TAFA1: variants seen among roughly 807,000 people sequenced by gnomAD.
The protein encoded by TAFA1 is TAFA chemokine like family member 1, also known as chemokine-like protein TAFA-1.
A neutral mutation model predicts 18.5 loss-of-function variants in TAFA1; 4 were observed. That is an observed-to-expected ratio of 0.22 (90% CI 0.11 to 0.49). TAFA1 has a LOEUF of 0.49. Among genes scored for constraint, TAFA1 ranks in the 20% least tolerant of loss-of-function variants. The pLI is 0.98. For missense variants in TAFA1, 147 were observed against 169.0 expected, an observed-to-expected ratio of 0.87 and a Z score of 0.72; for synonymous variants, 56 against 55.2, an observed-to-expected ratio of 1.01 and a Z score of -0.06.
chr3:68,200,620 G>A (rs1044011229), intron 2 of TAFA1, among the ~76,000 whole-genome samples: 1 of 151,562 alleles, frequency 6.6e-6, no homozygotes, highest in South Asian at 2.1e-4. Flanking sequence ...TGAGCATTGA[G>A]TTGTACACAA....
intron 2 of TAFA1, among the ~76,000 whole-genome samples, chr3:68,135,858 C>G (rs1381656862): frequency 1.3e-5 from 2 of 152,048 alleles, no homozygotes; most frequent in Non-Finnish European, 1.5e-5. Flanking sequence ...GTATGTTTCA[C>G]ACATATTTGG....
intron 2 of TAFA1, among the ~76,000 whole-genome samples, chr3:68,205,399 G>T (rs2066514343): frequency 6.6e-6 from 1 of 151,798 alleles, no homozygotes; most frequent in South Asian, 2.1e-4. Flanking sequence ...ACTACGAGGG[G>T]ATATGAGGAA....
intron 2 of TAFA1, among the ~76,000 whole-genome samples, chr3:68,238,492 T>A (rs1255075582): frequency 6.6e-6 from 1 of 152,230 alleles, no homozygotes; most frequent in Non-Finnish European, 1.5e-5. Context: ...AACGAAACTT[T>A]AATTTTCCAT....
At chr3:67,996,670 G>T in the TAFA1 span, among the ~76,000 whole-genome samples, 4 of 152,002 alleles carry the variant, frequency 2.6e-5, no homozygotes, top group African/African-American at 9.7e-5. Context: ...GTGGTGGTCT[G>T]TGCCTATAAT....
intron 3 of TAFA1, among the ~76,000 whole-genome samples, chr3:68,481,477 T>G (rs1284662548): frequency 6.6e-6 from 1 of 152,194 alleles, no homozygotes. Context: ...AAGAATTGGA[T>G]GACGTTATAT....
chr3:68,302,927 T>C (rs1390201779), intron 2 of TAFA1, among the ~76,000 whole-genome samples: 2 of 152,222 alleles, frequency 1.3e-5, no homozygotes, highest in Admixed American at 6.5e-5. Context: ...TAACTGTCCA[T>C]GTGTGACCTT....
intron 1 of TAFA1, chr3:68,006,155 C>T (rs1704352538): frequency 1.3e-5 from 2 of 158,312 alleles, no homozygotes; most frequent in Admixed American, 1.2e-4. Context: ...TAGAAGACAG[C>T]ATTGCAATTA....
chr3:68,111,741 G>A (rs1462994816), intron 2 of TAFA1, among the ~76,000 whole-genome samples: 3 of 148,518 alleles, frequency 2.0e-5, no homozygotes, highest in African/African-American at 5.0e-5. Flanking sequence ...TTCTTAAAAA[G>A]AATAGTAGGA....
At chr3:68,436,894 C>T (rs2071276420) in intron 3 of TAFA1, among the ~76,000 whole-genome samples, 1 of 152,150 alleles carries the variant, frequency 6.6e-6, no homozygotes, top group Admixed American at 6.5e-5. Flanking sequence ...CTTCTGTTGT[C>T]CAGATTTTGC....
At chr3:68,390,210 T>TC (rs1009067201) in intron 2 of TAFA1, among the ~76,000 whole-genome samples, 52 of 152,242 alleles carry the variant, frequency 3.4e-4, no homozygotes, top group African/African-American at 1.3e-3. Context: ...TACAGGGTTT[T>TC]CCCCTCACAG....
At chr3:68,443,494 A>C (rs1322095905) in intron 3 of TAFA1, among the ~76,000 whole-genome samples, 2 of 150,062 alleles carry the variant, frequency 1.3e-5, no homozygotes, top group Non-Finnish European at 3.0e-5. Flanking sequence ...AAAAAAAAAA[A>C]AACAAAAAAA....
chr3:68,260,865 G>A (rs1246035802), intron 2 of TAFA1, among the ~76,000 whole-genome samples: 1 of 152,046 alleles, frequency 6.6e-6, no homozygotes, highest in East Asian at 1.9e-4. Flanking sequence ...CATGGGCAAG[G>A]ACTTCATGTC....
At chr3:68,215,245 T>C (rs1005873325) in intron 2 of TAFA1, among the ~76,000 whole-genome samples, 1 of 152,062 alleles carries the variant, frequency 6.6e-6, no homozygotes, top group African/African-American at 2.4e-5. Context: ...ATCTTCACAC[T>C]AAGCAGTGTG....
intron 2 of TAFA1, among the ~76,000 whole-genome samples, chr3:68,195,437 C>T (rs972756458): frequency 3.3e-5 from 5 of 149,510 alleles, no homozygotes; most frequent in Non-Finnish European, 7.4e-5. Context: ...ATCTGAAATT[C>T]GACATTATGA....
chr3:68,018,324 C>A (rs1229867106), intron 2 of TAFA1, among the ~76,000 whole-genome samples: 1 of 152,142 alleles, frequency 6.6e-6, no homozygotes, highest in South Asian at 2.1e-4. Flanking sequence ...GGGCCTTTCA[C>A]ACCTTTGAAT....
In TAFA1 at chr3:68,372,360, G is replaced by C. The variant is rs1031051357; in HGVS notation, c.119-44920G>C. 4.5e-4 allele frequency among the ~76,000 whole-genome samples: 68 copies of C among 152,106 alleles called. 1 individual carries two copies. The highest frequency in any genetic ancestry group is 6.5e-5 in the Admixed American group (1 of 15,270). On this transcript the variant is annotated intron_variant, in intron 2 of 4. Coordinates refer to ENST00000478136, the MANE Select transcript of TAFA1 (RefSeq NM_213609.4). Reference sequence around the variant, plus strand: ...TTTAGTGACAGCCGAAAATGTACACGCAAGTAAAGACAAGACTGTTGTGGA... The same window carrying C: ...TTTAGTGACAGCCGAAAATGTACACCCAAGTAAAGACAAGACTGTTGTGGA...
At chr3:68,537,983 C>T (rs1044102008) in intron 3 of TAFA1, among the ~76,000 whole-genome samples, 3 of 152,020 alleles carry the variant, frequency 2.0e-5, no homozygotes, top group Non-Finnish European at 4.4e-5. Flanking sequence ...TAGGATTTTT[C>T]AAGGGTAGTT....
At chr3:68,425,042 T>G (rs912999091) in intron 3 of TAFA1, among the ~76,000 whole-genome samples, 3 of 152,012 alleles carry the variant, frequency 2.0e-5, no homozygotes, top group African/African-American at 7.2e-5. Context: ...AGTACACAAC[T>G]GATCCTATAC....
At position 68,133,036 on chromosome 3, in the gene TAFA1, A is replaced by C. The variant is rs977997748; in HGVS notation, c.118+126292A>C. On this transcript the variant is annotated intron_variant, in intron 2 of 4. Transcript: ENST00000478136. ...TAAGCCTTTAATCCATCTTGAGTTA[A>C]TTTTTGTACAAGGTGTAAGGAAGGG... 2.0e-5 allele frequency among the ~76,000 whole-genome samples: 3 copies of C among 152,066 alleles called. No individual in the cohort carries two copies. The South Asian group carries it at 6.2e-4, about 31-fold the overall frequency.
Sources: allele counts gnomAD v4.1 joint callset (sites outside exome capture counted in the v4.1 genomes callset), GRCh38; gene constraint gnomAD v4.1.1; transcripts MANE v1.5; gene names NCBI Gene and HGNC (gene_info 2026-07-23, HGNC 2026-07-21).